Variants in TPH2 observed in about 807,000 individuals in gnomAD.
The protein encoded by TPH2 is tryptophan 5-hydroxylase 2.
TPH2 carries 27 observed loss-of-function variants against 59.1 expected under a neutral mutation model. That is an observed-to-expected ratio of 0.46 (90% confidence interval 0.34 to 0.63). TPH2 has a LOEUF of 0.63. Among genes scored for constraint, TPH2 ranks in the 30% least tolerant of loss-of-function variants. The pLI, the probability that TPH2 is intolerant of heterozygous loss-of-function variation, is 0.01. For synonymous variants in TPH2, 220 were observed against 210.5 expected (o/e 1.05, Z -0.39); for missense variants, 523 against 588.3 (o/e 0.89, Z 1.15).
chr12:71,975,508 C>G (rs1872093851), intron 6 of TPH2, among the ~76,000 whole-genome samples: 1 of 152,156 alleles, frequency 6.6e-6, no homozygotes, highest in Admixed American at 6.5e-5. Context: ...ACCCAGGTTT[C>G]CAAGTTAGTT....
Position 71,941,547 on chromosome 12 carries a change from T to G in TPH2, c.106-37T>G, listed in dbSNP as rs1331328570. ...TTACGGAGGATTCTGGAACCCTAAC[T>G]AATATTTTGTTTTATTATGCTTCGA... is the stretch of plus-strand genomic sequence containing the variant. On this transcript the variant is annotated intron_variant, in intron 1 of 10. Transcript: ENST00000333850. The G allele has an allele frequency of 2.5e-6, 4 of 1,604,842 alleles. No homozygotes were observed. The South Asian group carries it at 4.4e-5, about 18-fold the overall frequency.
intron 7 of TPH2, among the ~76,000 whole-genome samples, chr12:71,985,563 T>A (rs1267668699): frequency 6.6e-6 from 1 of 152,098 alleles, no homozygotes; most frequent in East Asian, 1.9e-4. Flanking sequence ...TATGTCTGGC[T>A]AATTTTTGTA....
intron 7 of TPH2, among the ~76,000 whole-genome samples, chr12:71,986,091 T>C (rs1872426259): frequency 6.6e-6 from 1 of 152,234 alleles, no homozygotes; most frequent in African/African-American, 2.4e-5. Flanking sequence ...AGGAGACTGC[T>C]GTGTCCTCAG....
At chr12:71,990,128 AGAT>A (rs1479506421) in intron 7 of TPH2, among the ~76,000 whole-genome samples, 1 of 152,194 alleles carries the variant, frequency 6.6e-6, no homozygotes, top group Non-Finnish European at 1.5e-5. Context: ...GCTGATGTAG[AGAT>A]TGGAGGCAGC....
intron 8 of TPH2, among the ~76,000 whole-genome samples, chr12:72,010,469 G>A (rs1873072104): frequency 1.3e-5 from 2 of 152,132 alleles, no homozygotes; most frequent in African/African-American, 2.4e-5. Context: ...TGCTAGTGGT[G>A]ATGGTTAGTG....
intron 5 of TPH2, among the ~76,000 whole-genome samples, chr12:71,953,161 G>C (rs1340868608): frequency 2.0e-5 from 3 of 149,462 alleles, no homozygotes; most frequent in Non-Finnish European, 4.4e-5. Flanking sequence ...CCTTTTCCCT[G>C]CTTTTTTTTT....
chr12:71,968,044 A>T (rs1451335829), intron 5 of TPH2, among the ~76,000 whole-genome samples: 1 of 152,084 alleles, frequency 6.6e-6, no homozygotes, highest in Non-Finnish European at 1.5e-5. Flanking sequence ...GGGGGCTGCG[A>T]GGAGGGAGGG....
chr12:71,971,222 C>CA (rs1380527615), intron 5 of TPH2, among the ~76,000 whole-genome samples: 6 of 152,208 alleles, frequency 3.9e-5, no homozygotes, highest in African/African-American at 1.4e-4. Flanking sequence ...CTGTAGTGAC[C>CA]ACCTGCTACA....
At chr12:72,007,503 C>A (rs1344098865) in intron 8 of TPH2, among the ~76,000 whole-genome samples, 3 of 152,086 alleles carry the variant, frequency 2.0e-5, no homozygotes, top group East Asian at 3.9e-4. Context: ...GCCAGGTGTT[C>A]GCAGTTTGGA....
At chr12:71,950,251 T>G (rs1465059179) in intron 5 of TPH2, among the ~76,000 whole-genome samples, 1 of 152,160 alleles carries the variant, frequency 6.6e-6, no homozygotes, top group Non-Finnish European at 1.5e-5. Flanking sequence ...CTCGCATCCG[T>G]GTGAAGAGAC....
chr12:72,015,562 A>G (rs995293489), intron 8 of TPH2, among the ~76,000 whole-genome samples: 2 of 151,604 alleles, frequency 1.3e-5, no homozygotes, highest in African/African-American at 4.8e-5. Context: ...CTCGTGATCC[A>G]CCCGCGTCGG....
intron 5 of TPH2, among the ~76,000 whole-genome samples, chr12:71,966,386 A>C (rs1871819213): frequency 6.6e-6 from 1 of 152,238 alleles, no homozygotes; most frequent in Non-Finnish European, 1.5e-5. Flanking sequence ...CATATGCAGA[A>C]CATGCCAATG....
intron 9 of TPH2, among the ~76,000 whole-genome samples, chr12:72,026,116 C>T (rs1319388523): frequency 6.6e-6 from 1 of 152,086 alleles, no homozygotes; most frequent in Non-Finnish European, 1.5e-5. Context: ...AAAGTTAACC[C>T]ATCTCAAAAG....
rs550980076 is a variant in TPH2 at position 71,961,220 on chromosome 12, A to G, written c.609-11299A>G. ...TTACTAGCTGTTTGATCTTGGACAG[A>G]TTATTACATTTGTAAGCCTCAGTTT... On this transcript the variant is annotated intron_variant, in intron 5 of 10. Transcript: ENST00000333850. 7.9e-5 allele frequency among the ~76,000 whole-genome samples: 12 copies of G among 152,326 alleles called. No homozygotes were observed. The East Asian group carries it at 2.1e-3, about 27-fold the overall frequency.
rs1247173975 is a variant in TPH2 at position 71,972,742 on chromosome 12, A to T, written c.805+27A>T. 5 of 1,605,794 alleles carry T rather than the reference A, an allele frequency of 3.1e-6. No homozygotes were observed. In the African/African-American group the frequency reaches 4.0e-5, roughly 13 times the overall value. The stretch of plus-strand genomic sequence containing the variant: ...TAAGATTTCACACAGGCTGTCTCTT[A>T]TTAGTCAATATCCTCAATTGCCTTC... On this transcript the variant is annotated intron_variant, in intron 6 of 10. Transcript: ENST00000333850.
At position 71,957,687 on chromosome 12, in the gene TPH2, G is replaced by C. The variant is rs1473385729; in HGVS notation, c.608+8032G>C. 2.0e-5 allele frequency among the ~76,000 whole-genome samples: 3 copies of C among 152,180 alleles called. No homozygotes were observed. In the East Asian group the frequency reaches 5.8e-4, roughly 29 times the overall value. ...TTAAGGAATTTCAGGCTCCATAATG[G>C]GCTGGGTTAAAGGAACTTTTAAAAA... On this transcript the variant is annotated intron_variant, in intron 5 of 10. Transcript: ENST00000333850.
At position 71,938,863 on chromosome 12, in the gene TPH2, A is replaced by G; in HGVS notation, c.-124A>G. 1 of 802,596 alleles carries G rather than the reference A, an allele frequency of 1.2e-6. No individual in the cohort carries two copies. The highest frequency in any genetic ancestry group is 2.2e-6 in the Non-Finnish European group (1 of 459,236). The allele number at this position is 802,596 out of a possible 1,614,324, so 49.7% of individuals were successfully genotyped here. A position where few individuals can be genotyped will look rare whatever the true frequency, so the allele number is the denominator to read the frequency against. On this transcript the variant is annotated 5_prime_UTR_variant, in exon 1 of 11. Coordinates refer to ENST00000333850, the MANE Select transcript of TPH2 (RefSeq NM_173353.4). ...AGGATTCGCATTGCTCTTCAGCACCAGGGTTCTGGACAGCGCCCCAAGCAG... is the reference window on the plus strand; with the variant it reads ...AGGATTCGCATTGCTCTTCAGCACCGGGGTTCTGGACAGCGCCCCAAGCAG...
intron 9 of TPH2, 147 bp from the exon 10 acceptor site, chr12:72,031,111 C>G: frequency 1.8e-6 from 2 of 1,129,946 alleles, no homozygotes; most frequent in South Asian, 2.6e-5. Context: ...ACCCTGCACA[C>G]AGGAGAGTTC....
Position 72,031,800 on chromosome 12 carries a change from A to T in TPH2, c.*105A>T. The T allele has an allele frequency of 7.4e-7, 1 of 1,351,084 alleles. No homozygotes were observed. Among genetic ancestry groups the T allele is most frequent in the Non-Finnish European group, 1.1e-6 (1 of 947,808 alleles). 83.7% of individuals were successfully genotyped at this position (1,351,084 alleles called of 1,614,324 possible). ...CCTTCTGTGTCATGGCTTGGCTAAT[A>T]AGCATGCAATTCCATATATCTATAC... On this transcript the variant is annotated 3_prime_UTR_variant, in exon 11 of 11. Transcript: ENST00000333850.
Sources: gnomAD v4.1 joint callset for allele counts (sites outside exome capture counted in the v4.1 genomes callset) on GRCh38, gnomAD v4.1.1 for gene constraint, MANE v1.5 for transcripts, NCBI Gene and HGNC (gene_info 2026-07-23, HGNC 2026-07-21) for gene names.